The following NKX2-2 variants were observed in gnomAD, a reference collection of about 807,000 sequenced individuals.
NKX2-2 encodes the protein NK2 homeobox 2, also known as homeobox protein Nkx-2.2.
NKX2-2 carries 8 observed loss-of-function variants against 24.6 expected under a neutral mutation model. The ratio of observed to expected loss-of-function variants is 0.32; its 90% confidence interval spans 0.19 to 0.59. The LOEUF is 0.59. NKX2-2 is among the 20% of genes least tolerant of loss of function. The pLI is 0.86. For synonymous variants in NKX2-2, 217 were observed against 173.3 expected, an observed-to-expected ratio of 1.25 and a Z score of -1.98; for missense variants, 381 against 373.9, an observed-to-expected ratio of 1.02 and a Z score of -0.16.
chr20:21,522,606 G>A, the NKX2-2 span, among the ~76,000 whole-genome samples: 1 of 151,942 alleles, frequency 6.6e-6, no homozygotes, highest in African/African-American at 2.4e-5. Flanking sequence ...CTGGGCGAGC[G>A]CGCAGGTCCC....
In NKX2-2 at chr20:21,513,464, C is replaced by T. The variant is rs1980515742; in HGVS notation, c.206G>A (p.Ser69Asn). Residue 69 changes from serine to asparagine, a missense_variant, in exon 1 of 2, where the codon AGC becomes AAC. This residue lies in a region of NKX2-2 where 206 missense variants were observed against 173.1 expected (regional missense o/e 1.19). Transcript: ENST00000377142. This position sits in a 1 kb window ranked among gnomAD's most constrained non-coding sequence, Gnocchi z 4.6. ...CAGCCAGCGCGTGTACGGGTTGTCGCTGCTGTCGTAGAAGGGGTTCTTCAG... is the reference window on the plus strand; with the variant it reads ...CAGCCAGCGCGTGTACGGGTTGTCGTTGCTGTCGTAGAAGGGGTTCTTCAG... The part of the protein sequence containing the change: ...LPLKNPFYDS[S>N]DNPYTRWLAS... 1 of 1,605,412 alleles carries T rather than the reference C, an allele frequency of 6.2e-7. No homozygotes were observed. Among genetic ancestry groups the T allele is most frequent in the Non-Finnish European group, 8.5e-7 (1 of 1,175,950 alleles).
Position 21,512,127 on chromosome 20 carries a change from G to C in NKX2-2, c.618C>G (p.Pro206=), listed in dbSNP as rs578038734. The C allele has an allele frequency of 4.3e-6, 7 of 1,613,724 alleles. No individual in the cohort carries two copies. Among genetic ancestry groups the C allele is most frequent in the African/African-American group, 1.3e-5 (1 of 75,060 alleles). ...ATGGTTTGCCGTCCCTGACCAAGAC[G>C]GGCACGGCCACCCGGCGCGGCGAGG... ...PLPSPRRVAV[P]VLVRDGKPCH... Residue 206 remains proline, a synonymous_variant, in exon 2 of 2, where the codon CCC becomes CCG. Transcript: ENST00000377142.
Position 21,512,236 on chromosome 20 carries a change from G to T in NKX2-2, c.509C>A (p.Thr170Lys), listed in dbSNP as rs758960583. 6.2e-7 allele frequency: 1 copy of T among 1,614,024 alleles called. No individual in the cohort carries two copies. The change falls in exon 2 of 2, where the codon ACG becomes AAG. Residue 170 changes from threonine to lysine, a missense_variant. Physicochemically the swap from Thr to Lys is moderately conservative, Grantham distance 78 (BLOSUM62 -1). Around this residue, in one of 3 missense-constraint regions of NKX2-2, gnomAD observed 36 missense variants for 79.2 expected, o/e 0.45. Coordinates refer to ENST00000377142, the MANE Select transcript of NKX2-2 (RefSeq NM_002509.4). ...GTTCTGGAACCAGATCTTGACCTGC[G>T]TGGGCGTGAGGCGGATGAGGCTGGC... ...HLASLIRLTP[T>K]QVKIWFQNHR...
At position 21,511,550 on chromosome 20, in the gene NKX2-2, C is replaced by T; in HGVS notation, c.*373G>A. The T allele has an allele frequency of 5.3e-6, 1 of 189,676 alleles. No individual in the cohort carries two copies. Among genetic ancestry groups the T allele is most frequent in the Non-Finnish European group, 1.1e-5 (1 of 93,612 alleles). 11.7% of individuals were successfully genotyped at this position (189,676 alleles called of 1,614,324 possible). ...ACACAAACATATTTTACAAAATGCACGAAAGCAGGGGTGGGGGGTCGGTCT... is the reference window on the plus strand; with the variant it reads ...ACACAAACATATTTTACAAAATGCATGAAAGCAGGGGTGGGGGGTCGGTCT... On this transcript the variant is annotated 3_prime_UTR_variant, in exon 2 of 2. Transcript: ENST00000377142.
At chr20:21,522,165 C>G in the NKX2-2 span, among the ~76,000 whole-genome samples, 2 of 152,374 alleles carry the variant, frequency 1.3e-5, no homozygotes, top group Non-Finnish European at 1.5e-5. Context: ...CCACTCCTGC[C>G]GTGATCCGCA....
At chr20:21,517,023 C>G (rs1010368849), upstream of NKX2-2, among the ~76,000 whole-genome samples, 2 of 152,228 alleles carry the variant, frequency 1.3e-5, no homozygotes, top group African/African-American at 4.8e-5. Context: ...GTCCGCAGAG[C>G]GCCTGAGAGA....
chr20:21,512,435 G>C lies in NKX2-2; in HGVS notation c.310C>G (p.Pro104Ala). 6.3e-7 allele frequency: 1 copy of C among 1,590,204 alleles called. No homozygotes were observed. The highest frequency in any genetic ancestry group is 1.1e-5 in the South Asian group (1 of 88,522). ...GGTGACTCGTCGGCCGAGGGCTCCGGGGACTTGGAGCTTGAGTCCTGAGGG... is the reference window on the plus strand; with the variant it reads ...GGTGACTCGTCGGCCGAGGGCTCCGCGGACTTGGAGCTTGAGTCCTGAGGG... Reference protein sequence around the residue: ...APPQDSSSKSPEPSADESPDN... With the variant: ...APPQDSSSKSAEPSADESPDN... The change falls in exon 2 of 2, where the codon CCG becomes GCG. Residue 104 changes from proline to alanine, a missense_variant. This residue lies in a region of NKX2-2 where 206 missense variants were observed against 173.1 expected (regional missense o/e 1.19). Coordinates refer to ENST00000377142, the MANE Select transcript of NKX2-2 (RefSeq NM_002509.4).
rs1348192192 is a variant in NKX2-2, at chr20:21,511,597, A to G, written c.*326T>C. The G allele has an allele frequency of 1.7e-5, 4 of 241,574 alleles. No homozygotes were observed. The highest frequency in any genetic ancestry group is 3.1e-5 in the Non-Finnish European group (4 of 127,526). The allele number at this position is 241,574 out of a possible 1,614,324, so 15.0% of individuals were successfully genotyped here. A position where few individuals can be genotyped will look rare whatever the true frequency, so the allele number is the denominator to read the frequency against. ...GTCTTTTTCTCGTTTTCAAGTGACG[A>G]CATTAACGCTGGGACGGTTTGGTCC... is the stretch of plus-strand genomic sequence containing the variant. On this transcript the variant is annotated 3_prime_UTR_variant, in exon 2 of 2. Coordinates refer to ENST00000377142, the MANE Select transcript of NKX2-2 (RefSeq NM_002509.4).
At chr20:21,519,162 T>C in the NKX2-2 span, among the ~76,000 whole-genome samples, 1 of 152,222 alleles carries the variant, frequency 6.6e-6, no homozygotes, top group African/African-American at 2.4e-5. Context: ...GTCTTTTCCC[T>C]TTATTTGGAA....
the NKX2-2 span, among the ~76,000 whole-genome samples, chr20:21,519,849 A>G: frequency 1.3e-5 from 2 of 152,130 alleles, no homozygotes; most frequent in African/African-American, 4.8e-5. Flanking sequence ...GGAGGCCTAA[A>G]GCTGTGTGAG....
At position 21,512,373 on chromosome 20, in the gene NKX2-2, G is replaced by T. The variant is rs1379595540; in HGVS notation, c.372C>A (p.Asp124Glu). 1 of 1,605,628 alleles carries T rather than the reference G, an allele frequency of 6.2e-7. No individual in the cohort carries two copies. Among genetic ancestry groups the T allele is most frequent in the South Asian group, 1.1e-5 (1 of 89,946 alleles). ...NDKETPGGGG[D>E]AGKKRKRRVL... ...CTCGCCGCTTTCGCTTCTTGCCGGC[G>T]TCCCCCCCGCCGCCCGGGGTCTCCT... Residue 124 changes from aspartate to glutamate, a missense_variant, in exon 2 of 2, where the codon GAC becomes GAA. By Grantham distance (45) the Asp-to-Glu change is conservative. This residue lies in a region of NKX2-2 where 206 missense variants were observed against 173.1 expected (regional missense o/e 1.19). Coordinates refer to ENST00000377142, the MANE Select transcript of NKX2-2 (RefSeq NM_002509.4).
Position 21,511,972 on chromosome 20 carries a change from T to G in NKX2-2, c.773A>C (p.Gln258Pro). ...NAQYSSASTP[Q>P]YPTAHPLVQA... The stretch of plus-strand genomic sequence containing the variant: ...GACCAGGGGGTGTGCTGTCGGGTAC[T>G]GGGGGGTGCTGGCCGAGCTGTACTG... Residue 258 changes from glutamine to proline, a missense_variant, in exon 2 of 2, where the codon CAG (glutamine) becomes CCG (proline). Around this residue, in one of 3 missense-constraint regions of NKX2-2, gnomAD observed 139 missense variants for 121.7 expected, o/e 1.14. Coordinates refer to ENST00000377142, the MANE Select transcript of NKX2-2 (RefSeq NM_002509.4). 6.2e-7 allele frequency: 1 copy of G among 1,610,380 alleles called. No individual in the cohort carries two copies. The highest frequency in any genetic ancestry group is 2.2e-5 in the East Asian group (1 of 44,830).
rs1980442747 is a variant in NKX2-2 at position 21,511,870 on chromosome 20, C to G, written c.*53G>C. On this transcript the variant is annotated 3_prime_UTR_variant, in exon 2 of 2. Transcript: ENST00000377142. ...AGGACCGAGGCCTCCTCGCCGCCAC[C>G]GCCGCCGGGGTGGGGCCTGGGCCTG... is the stretch of plus-strand genomic sequence containing the variant. 1 of 1,455,738 alleles carries G rather than the reference C, an allele frequency of 6.9e-7. No homozygotes were observed. The highest frequency in any genetic ancestry group is 9.2e-7 in the Non-Finnish European group (1 of 1,089,796). The allele number at this position is 1,455,738 out of a possible 1,614,324, so 90.2% of individuals were successfully genotyped here.
chr20:21,519,699 C>A, the NKX2-2 span, among the ~76,000 whole-genome samples: 135 of 152,344 alleles, frequency 8.9e-4, no homozygotes, highest in East Asian at 0.015. Flanking sequence ...AGTACTACCC[C>A]GTGCTGGGAC....
rs73293193 is a variant in NKX2-2 at position 21,513,137 on chromosome 20, C to T, written c.259+274G>A. Among the ~76,000 whole-genome samples, 3 of 151,984 alleles carry T rather than the reference C, an allele frequency of 2.0e-5. No homozygotes were observed. The highest frequency in any genetic ancestry group is 7.3e-5 in the African/African-American group (3 of 41,358). On this transcript the variant is annotated intron_variant, in intron 1 of 1. Transcript: ENST00000377142. The surrounding 1 kb of genome is among the most constrained non-coding windows in gnomAD (Gnocchi z 4.6). ...CATCGGTCCGGGTTGACATCATATA[C>T]CAGCCCCTGGGAGGTATAGCCCTTC...
the NKX2-2 span, among the ~76,000 whole-genome samples, chr20:21,519,719 C>G: frequency 3.3e-5 from 5 of 152,188 alleles, no homozygotes; most frequent in Non-Finnish European, 7.3e-5. Flanking sequence ...CCTTTGCTAA[C>G]CAGAAAATGA....
At chr20:21,519,408 A>G in the NKX2-2 span, among the ~76,000 whole-genome samples, 302 of 152,334 alleles carry the variant, frequency 2.0e-3, 1 homozygote, top group African/African-American at 7.0e-3. Flanking sequence ...TGCTCCAGCA[A>G]GGATTAACGG....
chr20:21,515,041 G>A (rs904937888), upstream of NKX2-2, among the ~76,000 whole-genome samples: 5 of 151,696 alleles, frequency 3.3e-5, no homozygotes, highest in Admixed American at 3.3e-4. Flanking sequence ...TCTGCTTTGC[G>A]GGCGGTCCCG....
chr20:21,519,245 C>A, the NKX2-2 span, among the ~76,000 whole-genome samples: 1 of 152,182 alleles, frequency 6.6e-6, no homozygotes, highest in Non-Finnish European at 1.5e-5. Context: ...AAAGAAACTC[C>A]TTTCCTGGTA....
Sources: gnomAD v4.1 joint callset for allele counts (sites outside exome capture counted in the v4.1 genomes callset) on GRCh38, gnomAD v4.1.1 for gene constraint, gnomAD v4.1.1 regional missense constraint, Gnocchi (gnomAD v3.1) non-coding constraint, MANE v1.5 for transcripts, NCBI Gene and HGNC (gene_info 2026-07-23, HGNC 2026-07-21) for gene names.